The following EIF4E3 variants were observed in gnomAD, a reference collection of about 807,000 sequenced individuals.
EIF4E3 encodes eukaryotic translation initiation factor 4E type 3.
Under a neutral mutation model 31.7 loss-of-function variants are expected in EIF4E3, and 26 were observed. The observed-to-expected ratio is 0.82, with a 90% CI of 0.60 to 1.14. The LOEUF (loss-of-function observed/expected upper bound fraction) is 1.14. Ranked by LOEUF, EIF4E3 falls within the 50% of genes most tolerant of loss-of-function variation. The probability of loss-of-function intolerance (pLI) is 0.00; values close to 1 mark genes in which losing one functional copy is unlikely to be tolerated. For missense variants in EIF4E3, 304 were observed against 270.9 expected (o/e 1.12, Z -0.86); for synonymous variants, 128 against 107.7 (o/e 1.19, Z -1.17).
At chr3:71,684,834 G>T in intron 6 of EIF4E3, 106 bp from the exon 7 acceptor site, 2 of 1,155,720 alleles carry the variant, frequency 1.7e-6, no homozygotes, top group African/African-American at 1.6e-5. Context: ...CCAAATGTTG[G>T]CAAGAACTCA....
intron 1 of EIF4E3, among the ~76,000 whole-genome samples, chr3:71,714,271 A>G (rs2049428924): frequency 1.7e-5 from 2 of 118,810 alleles, no homozygotes; most frequent in Non-Finnish European, 3.4e-5. Flanking sequence ...GGAAGGAAGG[A>G]AAGAAGGAAG....
upstream of EIF4E3, among the ~76,000 whole-genome samples, chr3:71,727,196 T>G (rs908551870): frequency 1.3e-5 from 2 of 152,138 alleles, no homozygotes; most frequent in East Asian, 3.9e-4. Flanking sequence ...TAGGTCTCCC[T>G]CCCTCCCAAG....
rs1165573923 is a variant in EIF4E3, at chr3:71,725,357, G to A, written c.11C>T (p.Pro4Leu). The change falls in exon 1 of 7, where the codon CCC becomes CTC. Residue 4 changes from proline (P) to leucine (L), a missense_variant. Physicochemically the swap from Pro to Leu is moderately conservative, Grantham distance 98. Transcript: ENST00000425534. The surrounding 1 kb of genome is among the most constrained non-coding windows in gnomAD (Gnocchi z 6.1). MAL[P>L]PAAAPPAGAR... The stretch of plus-strand genomic sequence containing the variant: ...CCCGGCGGGGGGCGCGGCGGCCGGG[G>A]GCAGCGCCATTTTCTCCGCCCCGCC... 2.0e-6 allele frequency: 2 copies of A among 977,100 alleles called. No individual in the cohort carries two copies. The highest frequency in any genetic ancestry group is 3.5e-5 in the African/African-American group (2 of 56,392). The allele number at this position is 977,100 out of a possible 1,614,324, so 60.5% of individuals were successfully genotyped here. A position where few individuals can be genotyped will look rare whatever the true frequency, so the allele number is the denominator to read the frequency against.
At chr3:71,752,109 T>TA (rs1332855748) in intron 1 of EIF4E3, among the ~76,000 whole-genome samples, 5 of 152,082 alleles carry the variant, frequency 3.3e-5, no homozygotes, top group East Asian at 1.9e-4. Flanking sequence ...CTTAGATTTT[T>TA]AAAAAAATAT....
chr3:71,708,632 C>A (rs960848475), intron 2 of EIF4E3, among the ~76,000 whole-genome samples: 5 of 151,950 alleles, frequency 3.3e-5, no homozygotes, highest in Admixed American at 2.6e-4. Context: ...TAGTGTCAGC[C>A]CCAGAACCCC....
intron 1 of EIF4E3, among the ~76,000 whole-genome samples, chr3:71,742,317 A>T (rs1443880814): frequency 3.3e-5 from 5 of 152,166 alleles, no homozygotes; most frequent in African/African-American, 1.2e-4. Flanking sequence ...TACTGACTTT[A>T]TATTATAGCT....
intron 1 of EIF4E3, among the ~76,000 whole-genome samples, chr3:71,731,081 C>T (rs764397116): frequency 1.2e-4 from 19 of 152,192 alleles, no homozygotes; most frequent in Non-Finnish European, 2.5e-4. Context: ...ACTCCTGAGT[C>T]AGCCAAGCAT....
chr3:71,673,831 T>C (rs2107984443), downstream of EIF4E3, among the ~76,000 whole-genome samples: 1 of 151,062 alleles, frequency 6.6e-6, no homozygotes, highest in South Asian at 2.1e-4. Flanking sequence ...CAATATTGTA[T>C]ATGGTCTATA....
rs2049909280 is a variant in EIF4E3 at position 71,749,817 on chromosome 3, G to A, written c.-291+3646C>T. ...AGAGCTGTTTTGCTTTGAGATGAAG[G>A]CATGCAATTTGGTGCCTAAGAAAGC... is the stretch of plus-strand genomic sequence containing the variant. On this transcript the variant is annotated intron_variant, in intron 1 of 7. Coordinates refer to the EIF4E3 transcript ENST00000295612. Among the ~76,000 whole-genome samples, 4 of 152,246 alleles carry A rather than the reference G, an allele frequency of 2.6e-5. No homozygotes were observed. The South Asian group carries it at 8.3e-4, about 32-fold the overall frequency.
intron 1 of EIF4E3, among the ~76,000 whole-genome samples, chr3:71,752,711 A>G (rs1453389687): frequency 6.6e-6 from 1 of 152,232 alleles, no homozygotes; most frequent in African/African-American, 2.4e-5. Context: ...TTAAAAAGAA[A>G]TGAAAGTATA....
chr3:71,715,145 T>C (rs951722134), intron 1 of EIF4E3, among the ~76,000 whole-genome samples: 4 of 152,168 alleles, frequency 2.6e-5, no homozygotes, highest in Non-Finnish European at 5.9e-5. Flanking sequence ...GCTACTGGCA[T>C]GTGGTGGGTA....
rs1413979526 is a variant in EIF4E3 at position 71,696,525 on chromosome 3, G to C, written c.345-5C>G. 1 of 1,613,916 alleles carries C rather than the reference G, an allele frequency of 6.2e-7. No homozygotes were observed. Among genetic ancestry groups the C allele is most frequent in the South Asian group, 1.1e-5 (1 of 91,056 alleles). ...TTTGCATTACTCTCCTCTTCCCTGG[G>C]CCAAAGACCAACGTTTAAAGTTACA... On this transcript the variant is annotated splice_polypyrimidine_tract_variant and splice_region_variant and intron_variant, in intron 3 of 6. Coordinates refer to ENST00000425534, the MANE Select transcript of EIF4E3 (RefSeq NM_001134651.2).
chr3:71,731,253 A>G (rs373308726), intron 1 of EIF4E3, among the ~76,000 whole-genome samples: 7 of 152,280 alleles, frequency 4.6e-5, no homozygotes, highest in African/African-American at 1.4e-4. Flanking sequence ...GGCCAACAGT[A>G]CTTGGCATCT....
At chr3:71,698,485 G>A (rs2049170836) in intron 3 of EIF4E3, among the ~76,000 whole-genome samples, 2 of 152,182 alleles carry the variant, frequency 1.3e-5, no homozygotes, top group South Asian at 2.1e-4. Flanking sequence ...TCTGGTAAGA[G>A]CATCCCAGTT....
chr3:71,701,777 T>C (rs1263960453), intron 2 of EIF4E3, among the ~76,000 whole-genome samples: 4 of 152,188 alleles, frequency 2.6e-5, no homozygotes, highest in Non-Finnish European at 4.4e-5. Flanking sequence ...AATGATGAAC[T>C]ATAAGATCAA....
At position 71,751,900 on chromosome 3, in the gene EIF4E3, ACTT is replaced by A. The variant is rs138517934; in HGVS notation, c.-291+1560_-291+1562del. Among the ~76,000 whole-genome samples, 189 of 152,202 alleles carry A rather than the reference ACTT, an allele frequency of 1.2e-3. No individual in the cohort carries two copies. The East Asian group carries it at 0.03, about 24-fold the overall frequency. ...AATGTCAGCAACTACTGACCTCCAA[ACTT>A]CTTCTTTCACGAGGAAAATAAACTC... is the stretch of plus-strand genomic sequence containing the variant. On this transcript the variant is annotated intron_variant, in intron 1 of 7. Transcript: ENST00000295612.
chr3:71,689,143 C>A (rs1166858054), intron 6 of EIF4E3, among the ~76,000 whole-genome samples: 1 of 152,116 alleles, frequency 6.6e-6, no homozygotes, highest in African/African-American at 2.4e-5. Flanking sequence ...TAATTGGGAG[C>A]CTTTTATTTT....
chr3:71,696,858 G>A (rs2049144778), intron 3 of EIF4E3, among the ~76,000 whole-genome samples: 1 of 151,464 alleles, frequency 6.6e-6, no homozygotes, highest in South Asian at 2.1e-4. Flanking sequence ...TGGGACTACA[G>A]GCGTCCGCCA....
At chr3:71,696,219 C>T (rs535842385) in intron 4 of EIF4E3, among the ~76,000 whole-genome samples, 87 of 152,348 alleles carry the variant, frequency 5.7e-4, no homozygotes, top group African/African-American at 2.0e-3. Flanking sequence ...CAGGCATTTA[C>T]TCCTGCAGAC....
Sources: gnomAD v4.1 joint callset for allele counts (sites outside exome capture counted in the v4.1 genomes callset) on GRCh38, gnomAD v4.1.1 for gene constraint, Gnocchi (gnomAD v3.1) non-coding constraint, MANE v1.5 for transcripts, NCBI Gene and HGNC (gene_info 2026-07-23, HGNC 2026-07-21) for gene names.